COQ8A: variants seen among roughly 807,000 people sequenced by gnomAD.
COQ8A encodes the protein atypical kinase COQ8A, mitochondrial.
A neutral mutation model predicts 65.0 loss-of-function variants in COQ8A; 51 were observed. That is an observed-to-expected ratio of 0.78 (90% CI 0.63 to 0.99). COQ8A has a LOEUF of 0.99. Among genes scored for constraint, COQ8A ranks in the 50% least tolerant of loss-of-function variants. The pLI is 0.00. For synonymous variants in COQ8A, 371 were observed against 353.2 expected (o/e 1.05, Z -0.57); for missense variants, 940 against 875.0 (o/e 1.07, Z -0.94).
At chr1:226,973,851 C>T (rs1023720967) in intron 4 of COQ8A, among the ~76,000 whole-genome samples, 3 of 152,198 alleles carry the variant, frequency 2.0e-5, no homozygotes, top group South Asian at 2.1e-4. Context: ...CTTAGCGCAG[C>T]GCCTGGTTTA....
rs1657083663 is a variant in COQ8A, at chr1:226,946,993, T to C, written c.-10+6594T>C. 6.6e-6 allele frequency among the ~76,000 whole-genome samples: 1 copy of C among 152,222 alleles called. No homozygotes were observed. Among genetic ancestry groups the C allele is most frequent in the African/African-American group, 2.4e-5 (1 of 41,458 alleles). ...TGCCTCTAGTGGGTAGGATCACTGG[T>C]GCTGAGAATTGTGATACCCTCAGTC... On this transcript the variant is annotated intron_variant, in intron 1 of 14. Transcript: ENST00000366777. The surrounding 1 kb of genome is among the most constrained non-coding windows in gnomAD (Gnocchi z 5.3).
intron 1 of COQ8A, among the ~76,000 whole-genome samples, chr1:226,945,193 A>G (rs925699434): frequency 1.2e-4 from 19 of 152,106 alleles, no homozygotes; most frequent in African/African-American, 3.1e-4. Flanking sequence ...TCACTTACAC[A>G]TGAGGAAATG....
chr1:226,965,799 C>T, intron 4 of COQ8A, 62 bp downstream of exon 4: 1 of 1,559,620 alleles, frequency 6.4e-7, no homozygotes, highest in Non-Finnish European at 8.8e-7. Flanking sequence ...ACGCTGCGGC[C>T]TGCATGGAGG....
rs371144771 is a variant in COQ8A at position 226,951,585 on chromosome 1, G to A, written c.-9-9792G>A. On this transcript the variant is annotated intron_variant, in intron 1 of 14. Transcript: ENST00000366777. ...TCAGGGTCAGGAGCAGAACTATAAT[G>A]GGGGGGTCCTTGCCCCAACACGAGC... Among the ~76,000 whole-genome samples, 123 of 152,196 alleles carry A rather than the reference G, an allele frequency of 8.1e-4. 1 individual carries two copies. In the South Asian group the frequency reaches 0.024, roughly 30 times the overall value.
chr1:226,952,766 G>C (rs1049003412), intron 1 of COQ8A, among the ~76,000 whole-genome samples: 1 of 151,974 alleles, frequency 6.6e-6, no homozygotes, highest in Non-Finnish European at 1.5e-5. Flanking sequence ...CATGTTCTTT[G>C]TAGAATATTT....
intron 1 of COQ8A, among the ~76,000 whole-genome samples, chr1:226,960,329 T>TTGGTGGTGGTGGTGGTACTTGGTGGTGG (rs1658110388): frequency 9.4e-4 from 1 of 1,060 alleles, no homozygotes. Flanking sequence ...GGTGGTGGTA[T>TTGGTGGTGGTGGTGGTACTTGGTGGTGG]CAGTGGTACT....
At chr1:226,958,065 C>G (rs1029654021) in intron 1 of COQ8A, 1 of 152,152 alleles carries the variant, frequency 6.6e-6, no homozygotes, top group Non-Finnish European at 1.5e-5. Flanking sequence ...TTACTTTAAT[C>G]GTGATCCCAA....
At chr1:226,982,446 T>G (rs761849836) in intron 6 of COQ8A, 5 of 647,758 alleles carry the variant, frequency 7.7e-6, no homozygotes, top group Non-Finnish European at 1.1e-5. Flanking sequence ...TGAAAAACTC[T>G]GCATGTTGAG....
intron 4 of COQ8A, among the ~76,000 whole-genome samples, chr1:226,968,149 T>C (rs1658672247): frequency 6.6e-6 from 1 of 152,102 alleles, no homozygotes; most frequent in South Asian, 2.1e-4. Context: ...CTGGCCAACA[T>C]GGTGAAACCC....
intron 2 of COQ8A, among the ~76,000 whole-genome samples, chr1:226,962,114 C>T (rs989576484): frequency 1.3e-5 from 2 of 152,224 alleles, no homozygotes; most frequent in African/African-American, 2.4e-5. Context: ...CAGCCTGGCT[C>T]AGCCTTCGAA....
At chr1:226,950,677 C>T (rs1204761031) in intron 1 of COQ8A, among the ~76,000 whole-genome samples, 1 of 152,134 alleles carries the variant, frequency 6.6e-6, no homozygotes, top group Non-Finnish European at 1.5e-5. Flanking sequence ...GCATGGTGGG[C>T]TGGTTCTGCT....
In COQ8A at chr1:226,983,509, G is replaced by A. The variant is rs12739480; in HGVS notation, c.1081-43G>A. On this transcript the variant is annotated intron_variant, in intron 8 of 14. Coordinates refer to ENST00000366777, the MANE Select transcript of COQ8A (RefSeq NM_020247.5). ...GGAGTGCCCCAGGCAGGGCCCACCCGTCTCCCTGGGCTAACTCCCCTGCCT... is the reference window on the plus strand; with the variant it reads ...GGAGTGCCCCAGGCAGGGCCCACCCATCTCCCTGGGCTAACTCCCCTGCCT... 218,874 of 1,582,092 alleles carry A rather than the reference G, an allele frequency of 0.14. 16,830 individuals carry two copies. The highest frequency in any genetic ancestry group is 0.21 in the South Asian group (19,057 of 90,398).
At position 226,971,243 on chromosome 1, in the gene COQ8A, G is replaced by T. The variant is rs1371507211; in HGVS notation, c.655+5506G>T. Among the ~76,000 whole-genome samples the T allele has an allele frequency of 5.3e-5, 8 of 149,798 alleles. 1 individual carries two copies. ...GGCATGAGCCACCACACCCGACCTAGTTTTTATTTTTTTGAAAATGTCATT... is the reference window on the plus strand; with the variant it reads ...GGCATGAGCCACCACACCCGACCTATTTTTTATTTTTTTGAAAATGTCATT... On this transcript the variant is annotated intron_variant, in intron 4 of 14. Transcript: ENST00000366777.
In COQ8A at chr1:226,961,464, C is replaced by G; in HGVS notation, c.79C>G (p.Leu27Val). Residue 27 changes from leucine (L) to valine (V), a missense_variant, in exon 2 of 15, where the codon CTG becomes GTG. By Grantham distance (32) the Leu-to-Val change is conservative. Coordinates refer to ENST00000366777, the MANE Select transcript of COQ8A (RefSeq NM_020247.5). ...GACCCAGGCGGCCGTGGAAACCCAC[C>G]TGCAGCACTTGGGCATCGGAGGGGA... is the stretch of plus-strand genomic sequence containing the variant. Reference protein sequence around the residue: ...KLTQAAVETHLQHLGIGGELI... With the variant: ...KLTQAAVETHVQHLGIGGELI... 6.2e-7 allele frequency: 1 copy of G among 1,613,894 alleles called. No homozygotes were observed. The highest frequency in any genetic ancestry group is 8.5e-7 in the Non-Finnish European group (1 of 1,180,030).
chr1:226,949,444 A>G lies in COQ8A; in HGVS notation c.-10+9045A>G, dbSNP rs1657244932. Among the ~76,000 whole-genome samples, 2 of 151,980 alleles carry G rather than the reference A, an allele frequency of 1.3e-5. No individual in the cohort carries two copies. Among genetic ancestry groups the G allele is most frequent in the Admixed American group, 1.3e-4 (2 of 15,260 alleles). On this transcript the variant is annotated intron_variant, in intron 1 of 14. Coordinates refer to ENST00000366777, the MANE Select transcript of COQ8A (RefSeq NM_020247.5). The surrounding 1 kb of genome is among the most constrained non-coding windows in gnomAD (Gnocchi z 4.0). ...TTCCCAACTGCCTCTCCCTGAATGT[A>G]CCTGGACAAAAGCCTCCCATGCTGT...
intron 4 of COQ8A, among the ~76,000 whole-genome samples, chr1:226,968,113 C>T (rs1484767362): frequency 6.6e-6 from 1 of 152,162 alleles, no homozygotes. Flanking sequence ...GGGAGAATCA[C>T]CTGAGGTCAG....
intron 1 of COQ8A, among the ~76,000 whole-genome samples, chr1:226,954,114 T>C (rs1469942152): frequency 2.0e-5 from 3 of 152,244 alleles, no homozygotes; most frequent in Non-Finnish European, 4.4e-5. Flanking sequence ...CTGAATATCA[T>C]TAAACAGTCC....
intron 14 of COQ8A, among the ~76,000 whole-genome samples, chr1:226,985,810 C>T (rs1660072086): frequency 6.6e-6 from 1 of 152,220 alleles, no homozygotes; most frequent in Non-Finnish European, 1.5e-5. Context: ...TAAAGAAATC[C>T]AGGTCAAGCC....
chr1:226,963,797 G>T (rs1300248128), intron 2 of COQ8A, among the ~76,000 whole-genome samples: 1 of 152,132 alleles, frequency 6.6e-6, no homozygotes, highest in Non-Finnish European at 1.5e-5. Context: ...TAGAGATGGG[G>T]TTTCGCCATG....
Sources: allele counts gnomAD v4.1 joint callset (sites outside exome capture counted in the v4.1 genomes callset), GRCh38; gene constraint gnomAD v4.1.1; non-coding constraint Gnocchi (gnomAD v3.1); transcripts MANE v1.5; gene names NCBI Gene and HGNC (gene_info 2026-07-23, HGNC 2026-07-21).